The following SMCHD1 variants were observed in gnomAD, a reference collection of about 807,000 sequenced individuals.
SMCHD1 encodes the protein structural maintenance of chromosomes flexible hinge domain containing 1.
In SMCHD1, 78 loss-of-function variants were observed where a neutral mutation model predicts 254.7. That is an observed-to-expected ratio of 0.31 (90% CI 0.26 to 0.37). The LOEUF is 0.37. Among genes scored for constraint, SMCHD1 ranks in the 10% least tolerant of loss-of-function variants. SMCHD1 has a pLI of 1.00. For synonymous variants in SMCHD1, 766 were observed against 794.9 expected, an observed-to-expected ratio of 0.96 and a Z score of 0.61; for missense variants, 1,840 against 2,408.1, an observed-to-expected ratio of 0.76 and a Z score of 4.94.
At chr18:2,770,656 CTG>C (rs1411334123) in intron 39 of SMCHD1, among the ~76,000 whole-genome samples, 2 of 152,056 alleles carry the variant, frequency 1.3e-5, no homozygotes, top group Non-Finnish European at 2.9e-5. Flanking sequence ...GACACAGTCT[CTG>C]TCGCCCAGGC....
At chr18:2,777,756 T>C in intron 42 of SMCHD1, 50 bp from the exon 43 acceptor site, 1 of 1,049,528 alleles carries the variant, frequency 9.5e-7, no homozygotes. Flanking sequence ...TTTTTTTAAA[T>C]TTAAAAAGTC....
intron 45 of SMCHD1, among the ~76,000 whole-genome samples, chr18:2,794,141 T>C (rs1320577416): frequency 6.6e-6 from 1 of 152,168 alleles, no homozygotes; most frequent in African/African-American, 2.4e-5. Context: ...AAGATATTTA[T>C]ATAACTATTT....
At chr18:2,657,931 C>T (rs2073120053) in intron 1 of SMCHD1, among the ~76,000 whole-genome samples, 1 of 151,876 alleles carries the variant, frequency 6.6e-6, no homozygotes, top group South Asian at 2.1e-4. Context: ...TACAGGTGAG[C>T]GCCACCATGC....
Position 2,802,714 on chromosome 18 carries a change from A to G in SMCHD1, c.*162A>G. On this transcript the variant is annotated 3_prime_UTR_variant, in exon 48 of 48. Coordinates refer to ENST00000320876, the MANE Select transcript of SMCHD1 (RefSeq NM_015295.3). The stretch of plus-strand genomic sequence containing the variant: ...CATTTCGATTCAGATGGGACTGGAA[A>G]CAACCATTCAATTTTATGAATCTTA... 1 of 520,508 alleles carries G rather than the reference A, an allele frequency of 1.9e-6. No homozygotes were observed. Among genetic ancestry groups the G allele is most frequent in the South Asian group, 4.2e-5 (1 of 24,050 alleles). 32.2% of individuals were successfully genotyped at this position (520,508 alleles called of 1,614,324 possible).
chr18:2,679,972 G>T (rs970180891), intron 5 of SMCHD1, among the ~76,000 whole-genome samples: 2 of 151,932 alleles, frequency 1.3e-5, no homozygotes, highest in African/African-American at 4.8e-5. Flanking sequence ...ACCCAAATCT[G>T]CTCATGAGTC....
chr18:2,710,261 T>C (rs983113001), intron 17 of SMCHD1, among the ~76,000 whole-genome samples: 1 of 152,236 alleles, frequency 6.6e-6, no homozygotes, highest in Non-Finnish European at 1.5e-5. Flanking sequence ...TGTCTGTTCA[T>C]ATGCCCATGC....
chr18:2,701,160 TTTTG>T, intron 12 of SMCHD1: 2 of 259,160 alleles, frequency 7.7e-6, no homozygotes, highest in Non-Finnish European at 1.4e-5. Flanking sequence ...CATTAGTTTT[TTTTG>T]TTTTTTTTTT....
intron 7 of SMCHD1, 58 bp downstream of exon 7, chr18:2,688,805 A>C (rs1190826858): frequency 6.1e-6 from 6 of 977,058 alleles, no homozygotes; most frequent in South Asian, 4.8e-5. Flanking sequence ...ACGGTGGGAC[A>C]GAACTTAACT....
At chr18:2,802,375 T>C (rs1268950685) in intron 47 of SMCHD1, among the ~76,000 whole-genome samples, 153 bp from the exon 48 acceptor site, 2 of 152,188 alleles carry the variant, frequency 1.3e-5, no homozygotes, top group African/African-American at 2.4e-5. Context: ...GAAATGATTA[T>C]ATATAAGGAT....
In SMCHD1 at chr18:2,694,634, A is replaced by G; in HGVS notation, c.981A>G (p.Val327=). Reference sequence around the variant, plus strand: ...TTACTGCTGTGGTTATCACAGGGGTACAACCAGAACACATACAGTACTTGA... The same window carrying G: ...TTACTGCTGTGGTTATCACAGGGGTGCAACCAGAACACATACAGTACTTGA... The part of the protein sequence containing the change: ...DSFTAVVITG[V]QPEHIQYLKN... The change falls in exon 8 of 48, where the codon GTA becomes GTG. Residue 327 remains valine (V), a synonymous_variant. Coordinates refer to ENST00000320876, the MANE Select transcript of SMCHD1 (RefSeq NM_015295.3). 1 of 1,613,404 alleles carries G rather than the reference A, an allele frequency of 6.2e-7. No individual in the cohort carries two copies. Among genetic ancestry groups the G allele is most frequent in the Middle Eastern group, 1.7e-4 (1 of 6,058 alleles).
intron 44 of SMCHD1, 110 bp downstream of exon 44, chr18:2,778,349 C>G (rs948390419): frequency 6.2e-5 from 44 of 706,254 alleles, no homozygotes; most frequent in Middle Eastern, 6.3e-4. Context: ...AATTTAAATT[C>G]TGCAAATTGA....
Position 2,697,985 on chromosome 18 carries a change from A to T in SMCHD1, c.1286A>T (p.Tyr429Phe). ...GGTGTAGTGGAAGGGATTATCCGTT[A>T]TCATCCATTCTTATATGATAGAGAA... The part of the protein sequence containing the change: ...GDGVVEGIIR[Y>F]HPFLYDRETY... The change falls in exon 10 of 48, where the codon TAT becomes TTT. Residue 429 changes from tyrosine to phenylalanine, a missense_variant. Physicochemically the swap from Tyr to Phe is conservative, Grantham distance 22. Around this residue, in one of 9 missense-constraint regions of SMCHD1, gnomAD observed 498 missense variants for 743.5 expected, o/e 0.67. Coordinates refer to ENST00000320876, the MANE Select transcript of SMCHD1 (RefSeq NM_015295.3). The T allele has an allele frequency of 6.2e-7, 1 of 1,613,734 alleles. No individual in the cohort carries two copies. The highest frequency in any genetic ancestry group is 8.5e-7 in the Non-Finnish European group (1 of 1,179,732).
intron 19 of SMCHD1, among the ~76,000 whole-genome samples, chr18:2,719,393 T>A (rs1332246548): frequency 6.6e-6 from 1 of 151,684 alleles, no homozygotes; most frequent in African/African-American, 2.4e-5. Context: ...CCTCCCAGGT[T>A]CAAGCGATTC....
chr18:2,743,904 T>C lies in SMCHD1; in HGVS notation c.3777T>C (p.Leu1259=), dbSNP rs541834065. 2 of 1,612,676 alleles carry C rather than the reference T, an allele frequency of 1.2e-6. No homozygotes were observed. Among genetic ancestry groups the C allele is most frequent in the South Asian group, 1.1e-5 (1 of 90,936 alleles). The change falls in exon 29 of 48, where the codon CTT becomes CTC. Residue 1259 remains leucine, a synonymous_variant. Coordinates refer to ENST00000320876, the MANE Select transcript of SMCHD1 (RefSeq NM_015295.3). ...LISGPPAKLL[L]IDWPELKESI... The stretch of plus-strand genomic sequence containing the variant: ...CTGGACCTCCTGCTAAACTTCTCCT[T>C]ATAGACTGGCCAGAACTAAAGGAGG...
chr18:2,722,514 T>G lies in SMCHD1; in HGVS notation c.2459-5T>G. ...CTTTTCATTTCATTTTTGTTTTTGT[T>G]AAAGAGGGTAAGCCAGAGAAATTTT... On this transcript the variant is annotated splice_region_variant and splice_polypyrimidine_tract_variant and intron_variant, in intron 19 of 47. Coordinates refer to ENST00000320876, the MANE Select transcript of SMCHD1 (RefSeq NM_015295.3). 1 of 1,604,670 alleles carries G rather than the reference T, an allele frequency of 6.2e-7. No individual in the cohort carries two copies. Among genetic ancestry groups the G allele is most frequent in the Non-Finnish European group, 8.5e-7 (1 of 1,176,862 alleles).
intron 37 of SMCHD1, among the ~76,000 whole-genome samples, chr18:2,768,703 A>G (rs2075921189): frequency 9.5e-6 from 1 of 105,344 alleles, no homozygotes; most frequent in Admixed American, 1.1e-4. Flanking sequence ...ATAGTACTAT[A>G]TACTATACTA....
Position 2,764,764 on chromosome 18 carries a change from A to G in SMCHD1, c.4719+975A>G, listed in dbSNP as rs553708125. On this transcript the variant is annotated intron_variant, in intron 37 of 47. Transcript: ENST00000320876. ...CTGTATGCAAATACGACACCATTTT[A>G]TATCAGGGATGTGAGTATGCATGGA... Among the ~76,000 whole-genome samples, 6 of 152,314 alleles carry G rather than the reference A, an allele frequency of 3.9e-5. No homozygotes were observed. In the East Asian group the frequency reaches 1.2e-3, roughly 29 times the overall value.
intron 10 of SMCHD1, among the ~76,000 whole-genome samples, chr18:2,699,188 C>G (rs1370526825): frequency 6.6e-6 from 1 of 152,106 alleles, no homozygotes; most frequent in African/African-American, 2.4e-5. Flanking sequence ...GTTTCCTTAC[C>G]TGGGAAATGG....
At chr18:2,703,606 G>GA in intron 12 of SMCHD1, 86 bp from the exon 13 acceptor site, 3 of 1,162,852 alleles carry the variant, frequency 2.6e-6, no homozygotes, top group Non-Finnish European at 3.7e-6. Context: ...TATATGAAAG[G>GA]AAAAAAATAA....
Sources: gnomAD v4.1 joint callset for allele counts (sites outside exome capture counted in the v4.1 genomes callset) on GRCh38, gnomAD v4.1.1 for gene constraint, gnomAD v4.1.1 regional missense constraint, MANE v1.5 for transcripts, NCBI Gene and HGNC (gene_info 2026-07-23, HGNC 2026-07-21) for gene names.